The following INPP4B variants were observed in gnomAD, a reference collection of about 807,000 sequenced individuals.
INPP4B encodes the protein inositol polyphosphate 4-phosphatase type II.
A neutral mutation model predicts 122.5 loss-of-function variants in INPP4B; 55 were observed. That is an observed-to-expected ratio of 0.45 (90% CI 0.36 to 0.56). The LOEUF is 0.56. Ranked by LOEUF, INPP4B falls within the 20% of genes least tolerant of loss-of-function variation. The probability of loss-of-function intolerance (pLI) is 0.00; values close to 1 mark genes in which losing one functional copy is unlikely to be tolerated. For missense variants in INPP4B, 1,000 were observed against 1,097.7 expected (o/e 0.91, Z 1.26); for synonymous variants, 403 against 388.7 (o/e 1.04, Z -0.43).
intron 15 of INPP4B, among the ~76,000 whole-genome samples, chr4:142,192,171 G>A (rs1308608215): frequency 1.3e-5 from 2 of 151,440 alleles, no homozygotes; most frequent in East Asian, 3.9e-4. Context: ...TAAGGGTGGA[G>A]GGTGGAGGAG....
chr4:142,514,792 CTTT>C (rs3078620), intron 2 of INPP4B, among the ~76,000 whole-genome samples: 2 of 121,788 alleles, frequency 1.6e-5, no homozygotes, highest in Admixed American at 8.8e-5. Context: ...ACCATGATTT[CTTT>C]TTTTTTTTTT....
intron 18 of INPP4B, among the ~76,000 whole-genome samples, chr4:142,136,365 A>G (rs1804259000): frequency 6.6e-6 from 1 of 152,224 alleles, no homozygotes; most frequent in Non-Finnish European, 1.5e-5. Flanking sequence ...GACAAAACAC[A>G]AATGCAAAGA....
At chr4:142,540,310 G>A (rs11100749) in intron 2 of INPP4B, among the ~76,000 whole-genome samples, 36,622 of 150,720 alleles carry the variant, frequency 0.24, 5,555 homozygotes, top group East Asian at 0.79. Context: ...ACATTTGTAT[G>A]AAAAGGAGGA....
At chr4:142,720,809 C>A (rs9994009) in intron 2 of INPP4B, among the ~76,000 whole-genome samples, 11,526 of 12,958 alleles carry the variant, frequency 0.89, 5,170 homozygotes, top group Middle Eastern at 1. Context: ...CTCTCTCTCT[C>A]TATATATATA....
intron 2 of INPP4B, among the ~76,000 whole-genome samples, chr4:142,543,575 A>T (rs983352643): frequency 6.6e-6 from 1 of 152,164 alleles, no homozygotes; most frequent in African/African-American, 2.4e-5. Flanking sequence ...TAATCTTAAA[A>T]TTCAATTGTA....
At chr4:142,563,908 G>C (rs1016985247) in intron 2 of INPP4B, among the ~76,000 whole-genome samples, 1 of 152,230 alleles carries the variant, frequency 6.6e-6, no homozygotes, top group South Asian at 2.1e-4. Context: ...CCTTTTCACT[G>C]ACCAGCAGCT....
At chr4:142,586,425 A>G (rs1241284370) in intron 2 of INPP4B, among the ~76,000 whole-genome samples, 3 of 152,330 alleles carry the variant, frequency 2.0e-5, no homozygotes, top group Non-Finnish European at 1.5e-5. Context: ...GGGTCTCAGA[A>G]CCTATTTGGA....
At chr4:142,029,641 G>A in intron 25 of INPP4B, 1 of 985,282 alleles carries the variant, frequency 1.0e-6, no homozygotes, top group Non-Finnish European at 1.2e-6. Flanking sequence ...TGACAGAAAA[G>A]AGTTAATTGC....
chr4:142,251,984 C>T (rs1024613141), intron 11 of INPP4B, among the ~76,000 whole-genome samples: 24 of 152,284 alleles, frequency 1.6e-4, no homozygotes, highest in African/African-American at 5.5e-4. Flanking sequence ...AGTAAAACCA[C>T]AGCCTATCGC....
intron 7 of INPP4B, among the ~76,000 whole-genome samples, chr4:142,366,154 TCTC>T (rs1031139466): frequency 6.6e-6 from 1 of 152,038 alleles, no homozygotes; most frequent in East Asian, 1.9e-4. Flanking sequence ...TCTTTGTAAT[TCTC>T]CCCACACTTC....
intron 2 of INPP4B, among the ~76,000 whole-genome samples, chr4:142,500,667 A>C (rs1823246299): frequency 6.6e-6 from 1 of 152,218 alleles, no homozygotes; most frequent in Admixed American, 6.5e-5. Context: ...TGCAATGAAC[A>C]TGGGACTGCT....
intron 5 of INPP4B, among the ~76,000 whole-genome samples, chr4:142,426,014 G>A (rs566502956): frequency 2.1e-5 from 3 of 142,244 alleles, no homozygotes; most frequent in African/African-American, 4.9e-5. Flanking sequence ...ACTTCAGAGC[G>A]TCAAGGAAAG....
At chr4:142,325,860 A>C (rs1422993387) in intron 7 of INPP4B, among the ~76,000 whole-genome samples, 1 of 152,194 alleles carries the variant, frequency 6.6e-6, no homozygotes, top group Non-Finnish European at 1.5e-5. Context: ...TATAATTCTG[A>C]GTATCCCTGC....
rs368600069 is a variant in INPP4B, at chr4:142,042,508, A to ATGTGTG, written c.2643-13600_2643-13595dup. Reference sequence around the variant, plus strand: ...CAACCCCCTTTTCCACTGCCAATTTATGTGTGTGTGTATGTATGTATGTAT... The same window carrying ATGTGTG: ...CAACCCCCTTTTCCACTGCCAATTTATGTGTGTGTGTGTGTGTATGTATGTATGTAT... On this transcript the variant is annotated intron_variant, in intron 25 of 25. Coordinates refer to ENST00000262992, the MANE Select transcript of INPP4B (RefSeq NM_001101669.3). 8.5e-3 allele frequency among the ~76,000 whole-genome samples: 1,206 copies of ATGTGTG among 142,016 alleles called. 21 individuals are homozygous for ATGTGTG. Among genetic ancestry groups the ATGTGTG allele is most frequent in the African/African-American group, 0.031 (1,150 of 36,928 alleles). 93.2% of individuals were successfully genotyped at this position (142,016 alleles called of 152,430 possible).
intron 15 of INPP4B, among the ~76,000 whole-genome samples, chr4:142,188,167 A>C (rs978217161): frequency 6.6e-6 from 1 of 152,032 alleles, no homozygotes; most frequent in Non-Finnish European, 1.5e-5. Flanking sequence ...ATATATCAAT[A>C]AAGGATCAAA....
intron 14 of INPP4B, among the ~76,000 whole-genome samples, chr4:142,199,642 A>T (rs137909142): frequency 8.0e-4 from 122 of 152,154 alleles, no homozygotes; most frequent in African/African-American, 2.7e-3. Flanking sequence ...GATCTATAAC[A>T]GTTCCTCAGT....
At chr4:142,032,217 A>C (rs145042136) in intron 25 of INPP4B, among the ~76,000 whole-genome samples, 2 of 152,132 alleles carry the variant, frequency 1.3e-5, no homozygotes, top group Non-Finnish European at 1.5e-5. Flanking sequence ...GCATGAAGGA[A>C]TACTGAGAGG....
intron 17 of INPP4B, among the ~76,000 whole-genome samples, chr4:142,146,979 C>T (rs145718797): frequency 5.2e-4 from 79 of 152,270 alleles, no homozygotes; most frequent in African/African-American, 1.7e-3. Context: ...TGTTTAAATA[C>T]TATTTTGAAT....
chr4:142,174,597 C>A (rs1457197866), intron 15 of INPP4B, among the ~76,000 whole-genome samples: 4 of 150,454 alleles, frequency 2.7e-5, no homozygotes, highest in African/African-American at 9.7e-5. Flanking sequence ...ACAAAGAAAT[C>A]TAAAATTGAT....
Sources: gnomAD v4.1 joint callset for allele counts (sites outside exome capture counted in the v4.1 genomes callset) on GRCh38, gnomAD v4.1.1 for gene constraint, MANE v1.5 for transcripts, NCBI Gene and HGNC (gene_info 2026-07-23, HGNC 2026-07-21) for gene names.